Variants in RTL9 observed in about 807,000 individuals in gnomAD.
RTL9 encodes retrotransposon Gag-like protein 9.
In RTL9, 19 loss-of-function variants were observed where a neutral mutation model predicts 44.7. The ratio of observed to expected loss-of-function variants is 0.42; its 90% CI spans 0.30 to 0.62. The LOEUF is 0.62. Ranked by LOEUF, RTL9 falls within the 20% of genes least tolerant of loss-of-function variation. RTL9 has a pLI of 0.16. For synonymous variants in RTL9, 407 were observed against 398.9 expected, an observed-to-expected ratio of 1.02 and a Z score of -0.24; for missense variants, 1,105 against 1,080.6, an observed-to-expected ratio of 1.02 and a Z score of -0.32.
At chrX:110,380,994 A>G (rs2068414699) in intron 1 of RTL9, among the ~76,000 whole-genome samples, 1 of 112,438 alleles carries the variant, frequency 8.9e-6, no homozygotes. Flanking sequence ...AAAACTCCAG[A>G]AGGAAACCTG....
At chrX:110,399,281 C>T (rs765657294) in intron 1 of RTL9, among the ~76,000 whole-genome samples, 2 of 112,410 alleles carry the variant, frequency 1.8e-5, no homozygotes, top group South Asian at 3.7e-4. Flanking sequence ...CTTAGAAATG[C>T]AGAAGCCTAG....
chrX:110,365,893 G>A (rs2068294011), intron 1 of RTL9, among the ~76,000 whole-genome samples: 1 of 112,030 alleles, frequency 8.9e-6, no homozygotes, highest in Admixed American at 9.5e-5. Flanking sequence ...AGTGCATTGT[G>A]ACAATACTAT....
chrX:110,449,084 G>A (rs751402883), upstream of RTL9, among the ~76,000 whole-genome samples: 1 of 110,583 alleles, frequency 9.0e-6, no homozygotes, highest in Non-Finnish European at 1.9e-5. Flanking sequence ...AGAGGCAGGG[G>A]TCTCGGTAGT....
At chrX:110,453,250 C>T (rs1008300658) in exon 1 of RTL9, 1 of 1,211,337 alleles carries the variant, frequency 8.3e-7, no homozygotes, top group Non-Finnish European at 1.1e-6. Context: ...CAAATGATGC[C>T]CACAGCTTCT....
exon 1 of RTL9, chrX:110,453,850 G>A: frequency 8.3e-7 from 1 of 1,211,570 alleles, no homozygotes; most frequent in Non-Finnish European, 1.1e-6. Context: ...AGGGCCTCAG[G>A]CCCTGGAACA....
At position 110,390,546 on chromosome X, in the gene RTL9, C is replaced by T. The variant is rs141840084; in HGVS notation, c.-168+31630C>T. 3.6e-3 allele frequency among the ~76,000 whole-genome samples: 400 copies of T among 111,010 alleles called. 3 individuals carry two copies. The highest frequency in any genetic ancestry group is 3.1e-3 in the Non-Finnish European group (163 of 52,977). ...TGTACCTAGGTGAACTGAATATGCCCAGAGGATATCAGGGGACTCTCCACT... is the reference window on the plus strand; with the variant it reads ...TGTACCTAGGTGAACTGAATATGCCTAGAGGATATCAGGGGACTCTCCACT... On this transcript the variant is annotated intron_variant, in intron 1 of 2. Coordinates refer to the RTL9 transcript ENST00000520821.
intron 1 of RTL9, among the ~76,000 whole-genome samples, chrX:110,433,742 T>C (rs191205906): frequency 8.9e-6 from 1 of 112,295 alleles, no homozygotes; most frequent in Non-Finnish European, 1.9e-5. Context: ...CTAGCCTTTC[T>C]TCTTATCATG....
At chrX:110,429,081 AC>A (rs2068776005) in intron 1 of RTL9, among the ~76,000 whole-genome samples, 1 of 111,458 alleles carries the variant, frequency 9.0e-6, no homozygotes, top group Non-Finnish European at 1.9e-5. Context: ...CTGTAGATCC[AC>A]CCTGTTCTTC....
intron 1 of RTL9, among the ~76,000 whole-genome samples, chrX:110,394,097 C>T (rs2068512948): frequency 8.9e-6 from 1 of 112,481 alleles, no homozygotes. Context: ...CAACCGCTGT[C>T]ACTCATTGAT....
At chrX:110,393,901 A>T (rs1055738679) in intron 1 of RTL9, among the ~76,000 whole-genome samples, 1 of 112,311 alleles carries the variant, frequency 8.9e-6, no homozygotes, top group African/African-American at 3.2e-5. Flanking sequence ...AGTGAATACA[A>T]ATTATTGGAA....
Position 110,452,680 on chromosome X carries a change from T to G in RTL9, c.2063T>G (p.Val688Gly), listed in dbSNP as rs747146595. The G allele has an allele frequency of 1.2e-5, 14 of 1,208,054 alleles. No individual in the cohort carries two copies. In the South Asian group the frequency reaches 2.3e-4, roughly 20 times the overall value. The change falls in exon 1 of 2, where the codon GTC (valine) becomes GGC (glycine). Residue 688 changes from valine to glycine, a missense_variant. By Grantham distance (109) the Val-to-Gly change is moderately radical. Transcript: ENST00000540313. ...TCCACATCACAAATGACAGCCACAGTCTCTGGAGGGATGTCCATGCCACTA... is the reference window on the plus strand; with the variant it reads ...TCCACATCACAAATGACAGCCACAGGCTCTGGAGGGATGTCCATGCCACTA...
chrX:110,447,950 G>A (rs2068917520), upstream of RTL9, among the ~76,000 whole-genome samples: 1 of 111,627 alleles, frequency 9.0e-6, no homozygotes, highest in Non-Finnish European at 1.9e-5. Flanking sequence ...CTTTCTGCTA[G>A]CTCTACTCTG....
chrX:110,446,140 A>G (rs1393653191), upstream of RTL9, among the ~76,000 whole-genome samples: 1 of 111,391 alleles, frequency 9.0e-6, no homozygotes, highest in Non-Finnish European at 1.9e-5. Flanking sequence ...GCAGCTAGAG[A>G]AAGTTTGGAA....
At chrX:110,439,935 C>G (rs776687168) in intron 1 of RTL9, 1 of 110,428 alleles carries the variant, frequency 9.1e-6, no homozygotes, top group Non-Finnish European at 1.9e-5. Context: ...TACAGGCTCC[C>G]GAATGCCTGC....
At chrX:110,440,535 G>T (rs2068872675) in intron 1 of RTL9, among the ~76,000 whole-genome samples, 1 of 111,736 alleles carries the variant, frequency 8.9e-6, no homozygotes, top group Non-Finnish European at 1.9e-5. Context: ...TGCTGAAGTT[G>T]GTGGCAGTGT....
chrX:110,381,246 C>G (rs974367050), intron 1 of RTL9, among the ~76,000 whole-genome samples: 1 of 111,657 alleles, frequency 9.0e-6, no homozygotes, highest in Non-Finnish European at 1.9e-5. Context: ...AAAAACAACC[C>G]CATTGAAAAG....
intron 1 of RTL9, among the ~76,000 whole-genome samples, chrX:110,377,355 C>T (rs1434453758): frequency 1.8e-5 from 2 of 111,661 alleles, no homozygotes; most frequent in Middle Eastern, 4.6e-3. Context: ...GCCAGAATAG[C>T]GAAACACCGA....
At chrX:110,413,222 C>A (rs1460437807) in intron 1 of RTL9, among the ~76,000 whole-genome samples, 2 of 111,345 alleles carry the variant, frequency 1.8e-5, no homozygotes, top group African/African-American at 6.6e-5. Flanking sequence ...TCCCCCTACA[C>A]CCTGGATAAA....
chrX:110,450,191 C>G (rs2068930296), upstream of RTL9, among the ~76,000 whole-genome samples: 1 of 111,177 alleles, frequency 9.0e-6, no homozygotes, highest in African/African-American at 3.3e-5. Flanking sequence ...TTGCCAGTAC[C>G]TTGGCTGGCT....
Sources: allele counts gnomAD v4.1 joint callset (sites outside exome capture counted in the v4.1 genomes callset), GRCh38; gene constraint gnomAD v4.1.1; transcripts MANE v1.5; gene names NCBI Gene and HGNC (gene_info 2026-07-23, HGNC 2026-07-21).